The following DAB1 variants were observed in gnomAD, a reference collection of about 807,000 sequenced individuals.
DAB1 encodes the protein DAB adaptor protein 1, also known as disabled homolog 1.
DAB1 carries 15 observed loss-of-function variants against 64.6 expected under a neutral mutation model. The observed-to-expected ratio is 0.23, with a 90% CI of 0.16 to 0.36. DAB1 has a LOEUF of 0.36. DAB1 is among the 10% of genes least tolerant of loss of function. The pLI, the probability that DAB1 is intolerant of heterozygous loss-of-function variation, is 1.00. For synonymous variants in DAB1, 235 were observed against 251.9 expected (o/e 0.93, Z 0.64); for missense variants, 596 against 706.7 (o/e 0.84, Z 1.78).
intron 1 of DAB1, among the ~76,000 whole-genome samples, chr1:57,314,458 G>A (rs1265478798): frequency 6.6e-6 from 1 of 152,128 alleles, no homozygotes; most frequent in Admixed American, 6.5e-5. Flanking sequence ...GGATTGGCAG[G>A]TCCTTCACAC....
chr1:57,063,535 A>T (rs1323192634), intron 8 of DAB1, among the ~76,000 whole-genome samples: 1 of 152,182 alleles, frequency 6.6e-6, no homozygotes, highest in Non-Finnish European at 1.5e-5. Flanking sequence ...GGCGTTTAAC[A>T]TTAATCTGCA....
chr1:57,324,698 C>T (rs924189756), intron 1 of DAB1, among the ~76,000 whole-genome samples: 1 of 152,106 alleles, frequency 6.6e-6, no homozygotes, highest in Non-Finnish European at 1.5e-5. Flanking sequence ...TCACTAGCAG[C>T]CCCCACCCCA....
intron 5 of DAB1, among the ~76,000 whole-genome samples, chr1:57,982,462 A>G (rs897024789): frequency 2.0e-5 from 3 of 152,302 alleles, no homozygotes; most frequent in East Asian, 1.9e-4. Context: ...CTTCTTAGGT[A>G]TCTGACGTTG....
At chr1:57,892,136 C>T (rs930285562) in intron 5 of DAB1, among the ~76,000 whole-genome samples, 1 of 152,160 alleles carries the variant, frequency 6.6e-6, no homozygotes, top group Admixed American at 6.5e-5. Context: ...GAGCCTATAG[C>T]ACTATAGTAG....
At chr1:57,913,293 A>G (rs1350898773) in intron 5 of DAB1, among the ~76,000 whole-genome samples, 2 of 152,134 alleles carry the variant, frequency 1.3e-5, no homozygotes, top group East Asian at 1.9e-4. Flanking sequence ...AATGCCACAC[A>G]TCTACAACTA....
intron 4 of DAB1, among the ~76,000 whole-genome samples, chr1:58,206,935 G>A (rs538661836): frequency 2.5e-4 from 38 of 152,278 alleles, no homozygotes; most frequent in African/African-American, 8.9e-4. Context: ...GTGATGATGA[G>A]GCTGTTTTTA....
intron 4 of DAB1, among the ~76,000 whole-genome samples, chr1:58,279,919 T>C (rs769524564): frequency 2.7e-4 from 41 of 152,134 alleles, no homozygotes; most frequent in Non-Finnish European, 3.8e-4. Context: ...TGAGCTCTCA[T>C]AGAAACGAGT....
intron 2 of DAB1, among the ~76,000 whole-genome samples, chr1:57,235,474 A>T (rs1668023387): frequency 1.3e-5 from 2 of 152,146 alleles, no homozygotes; most frequent in African/African-American, 4.8e-5. Flanking sequence ...GATATATATT[A>T]GCTCCTTTTC....
intron 5 of DAB1, among the ~76,000 whole-genome samples, chr1:58,054,968 C>T (rs1647965829): frequency 6.6e-6 from 1 of 152,212 alleles, no homozygotes; most frequent in African/African-American, 2.4e-5. Flanking sequence ...AGCAGGTGGC[C>T]TGAGGCAAAA....
At chr1:58,384,355 G>C (rs904573713) in intron 3 of DAB1, among the ~76,000 whole-genome samples, 9 of 152,212 alleles carry the variant, frequency 5.9e-5, no homozygotes, top group African/African-American at 2.2e-4. Flanking sequence ...GTAGACGATA[G>C]AATGGTGGTT....
chr1:58,468,996 C>A (rs1408754579), intron 3 of DAB1: 1 of 244,102 alleles, frequency 4.1e-6, no homozygotes, highest in Non-Finnish European at 6.6e-6. Context: ...TTCATTTATT[C>A]ATCCTCCGTC....
intron 8 of DAB1, among the ~76,000 whole-genome samples, chr1:57,065,878 C>G (rs1465240172): frequency 6.6e-6 from 1 of 152,160 alleles, no homozygotes; most frequent in Non-Finnish European, 1.5e-5. Flanking sequence ...GTGCCATGGT[C>G]ACCATCTCAT....
chr1:57,047,551 AAGG>A (rs1265400463), intron 9 of DAB1, among the ~76,000 whole-genome samples: 3 of 152,166 alleles, frequency 2.0e-5, no homozygotes. Context: ...ATGAGGACAT[AAGG>A]AGAAGTTGGT....
Position 58,250,421 on chromosome 1 carries a change from C to T in DAB1, n.309+92931G>A, listed in dbSNP as rs151108663. Among the ~76,000 whole-genome samples, 551 of 152,358 alleles carry T rather than the reference C, an allele frequency of 3.6e-3. 7 individuals carry two copies. Among genetic ancestry groups the T allele is most frequent in the African/African-American group, 0.013 (526 of 41,584 alleles). On this transcript the variant is annotated intron_variant and non_coding_transcript_variant, in intron 4 of 20. Transcript: ENST00000485760. ...GAGGGGATGCTCACTCCTAGCGGCT[C>T]CGCTGGCAGCAGTAGTGGCGGTGGC...
intron 2 of DAB1, among the ~76,000 whole-genome samples, chr1:57,165,468 A>T (rs978737282): frequency 6.6e-6 from 1 of 152,228 alleles, no homozygotes; most frequent in Admixed American, 6.5e-5. Flanking sequence ...ATAAGTGTTA[A>T]ATCCCATTTA....
upstream of DAB1, among the ~76,000 whole-genome samples, chr1:57,424,774 T>C (rs771070937): frequency 1.3e-5 from 2 of 152,114 alleles, no homozygotes; most frequent in Non-Finnish European, 2.9e-5. Context: ...CAGGCAAAGT[T>C]CGGCAAGTTG....
At chr1:57,913,494 G>C (rs988147469) in intron 5 of DAB1, among the ~76,000 whole-genome samples, 3 of 152,154 alleles carry the variant, frequency 2.0e-5, no homozygotes, top group African/African-American at 7.2e-5. Context: ...AAAAACCCTA[G>C]AAGGAAACAT....
At chr1:58,408,248 CTT>C (rs1025945388) in intron 3 of DAB1, among the ~76,000 whole-genome samples, 3 of 152,200 alleles carry the variant, frequency 2.0e-5, no homozygotes, top group African/African-American at 7.2e-5. Context: ...CTGCTCTTCT[CTT>C]TGTCTGGATT....
At chr1:58,214,152 G>A (rs1236080767) in intron 4 of DAB1, among the ~76,000 whole-genome samples, 2 of 152,028 alleles carry the variant, frequency 1.3e-5, no homozygotes, top group Non-Finnish European at 2.9e-5. Flanking sequence ...ATAAACTTCT[G>A]GCTCTGTGAC....
Sources: gnomAD v4.1 joint callset for allele counts (sites outside exome capture counted in the v4.1 genomes callset) on GRCh38, gnomAD v4.1.1 for gene constraint, MANE v1.5 for transcripts, NCBI Gene and HGNC (gene_info 2026-07-23, HGNC 2026-07-21) for gene names.